Variants in PLCL1 observed in about 807,000 individuals in gnomAD.
PLCL1 encodes the protein phospholipase C like 1 (inactive).
In PLCL1, 41 loss-of-function variants were observed where a neutral mutation model predicts 84.4. The observed-to-expected ratio is 0.49, with a 90% CI of 0.38 to 0.63. The LOEUF is 0.63. PLCL1 is among the 30% of genes least tolerant of loss of function. The pLI, the probability that PLCL1 is intolerant of heterozygous loss-of-function variation, is 0.00. For missense variants in PLCL1, 1,206 were observed against 1,367.8 expected, an observed-to-expected ratio of 0.88 and a Z score of 1.87; for synonymous variants, 490 against 488.3, an observed-to-expected ratio of 1.00 and a Z score of -0.05.
At chr2:197,932,804 T>G (rs1237439777) in intron 1 of PLCL1, among the ~76,000 whole-genome samples, 1 of 152,132 alleles carries the variant, frequency 6.6e-6, no homozygotes. Context: ...AAAGCAGGAT[T>G]GGGAGATGGC....
chr2:198,022,813 A>T (rs1691169218), intron 1 of PLCL1, among the ~76,000 whole-genome samples: 1 of 152,170 alleles, frequency 6.6e-6, no homozygotes, highest in Non-Finnish European at 1.5e-5. Flanking sequence ...AGTGAAAATG[A>T]TCATACTGCC....
intron 5 of PLCL1, among the ~76,000 whole-genome samples, chr2:198,108,780 C>A (rs1048678383): frequency 1.3e-5 from 2 of 151,926 alleles, no homozygotes; most frequent in Non-Finnish European, 2.9e-5. Flanking sequence ...TATTCTAGCA[C>A]CTACGTGGGT....
chr2:197,819,576 T>G (rs2106418211), intron 1 of PLCL1, among the ~76,000 whole-genome samples: 1 of 152,218 alleles, frequency 6.6e-6, no homozygotes, highest in African/African-American at 2.4e-5. Context: ...GAATGGGAGC[T>G]TAGAGACCAT....
At chr2:198,008,501 G>A (rs555495124) in intron 1 of PLCL1, among the ~76,000 whole-genome samples, 2 of 151,152 alleles carry the variant, frequency 1.3e-5, no homozygotes, top group Non-Finnish European at 3.0e-5. Flanking sequence ...TAATGTCCTC[G>A]AGTTTCATTC....
intron 5 of PLCL1, among the ~76,000 whole-genome samples, chr2:198,139,723 G>A (rs1401659485): frequency 6.6e-6 from 1 of 152,114 alleles, no homozygotes. Context: ...TCAGGCCAAA[G>A]TCTGGTATAC....
intron 1 of PLCL1, among the ~76,000 whole-genome samples, chr2:198,062,033 C>G (rs1228867249): frequency 6.6e-6 from 1 of 152,156 alleles, no homozygotes; most frequent in African/African-American, 2.4e-5. Flanking sequence ...TGACGGCTCC[C>G]TTCCTCTTCA....
chr2:197,968,167 T>G (rs1689785985), intron 1 of PLCL1, among the ~76,000 whole-genome samples: 1 of 152,240 alleles, frequency 6.6e-6, no homozygotes, highest in African/African-American at 2.4e-5. Flanking sequence ...TCTGAAATTA[T>G]TTTATGCTTT....
chr2:197,844,322 T>A (rs1439913141), intron 1 of PLCL1, among the ~76,000 whole-genome samples: 3 of 152,062 alleles, frequency 2.0e-5, no homozygotes, highest in Non-Finnish European at 4.4e-5. Flanking sequence ...TCTGACCCCG[T>A]AGGTTAGTTT....
intron 1 of PLCL1, among the ~76,000 whole-genome samples, chr2:197,836,001 A>G (rs923055700): frequency 1.3e-5 from 2 of 152,170 alleles, no homozygotes; most frequent in Non-Finnish European, 2.9e-5. Context: ...TGGAGAGTAG[A>G]AATCACAAGT....
chr2:198,025,290 T>C (rs1691238869), intron 1 of PLCL1, among the ~76,000 whole-genome samples: 1 of 152,104 alleles, frequency 6.6e-6, no homozygotes. Context: ...CATGCATATA[T>C]AAGATAATAA....
chr2:197,908,044 G>A (rs888526851), intron 1 of PLCL1, among the ~76,000 whole-genome samples: 2 of 152,196 alleles, frequency 1.3e-5, no homozygotes, highest in African/African-American at 2.4e-5. Context: ...GACTTGGGAA[G>A]TGATCACATA....
At chr2:198,104,037 T>G (rs1693410476) in intron 5 of PLCL1, 101 bp downstream of exon 5, 1 of 542,078 alleles carries the variant, frequency 1.8e-6, no homozygotes, top group Admixed American at 4.0e-5. Flanking sequence ...TGGTTTGGAT[T>G]TTTAAACCTT....
intron 5 of PLCL1, among the ~76,000 whole-genome samples, chr2:198,107,110 T>TA (rs1693494159): frequency 6.6e-6 from 1 of 151,898 alleles, no homozygotes; most frequent in South Asian, 2.1e-4. Context: ...ACAGGAAACT[T>TA]ACAGTCATGG....
chr2:198,091,583 G>A (rs1045081123), intron 3 of PLCL1, among the ~76,000 whole-genome samples: 9 of 151,962 alleles, frequency 5.9e-5, no homozygotes, highest in Admixed American at 3.9e-4. Flanking sequence ...GGGAGGCTGA[G>A]GCAGGAGAAT....
At chr2:197,810,324 T>C in intron 1 of PLCL1, 1 of 1,204,848 alleles carries the variant, frequency 8.3e-7, no homozygotes, top group Non-Finnish European at 1.1e-6. Flanking sequence ...AAACTTCAGG[T>C]AAAGAGCTTT....
intron 2 of PLCL1, among the ~76,000 whole-genome samples, chr2:198,087,387 C>G (rs765963493): frequency 9.2e-5 from 14 of 152,012 alleles, no homozygotes; most frequent in Non-Finnish European, 1.9e-4. Flanking sequence ...ACTTATTAGG[C>G]TAGTGTTATT....
chr2:198,021,241 C>G (rs548438899), intron 1 of PLCL1, among the ~76,000 whole-genome samples: 1 of 152,248 alleles, frequency 6.6e-6, no homozygotes, highest in Admixed American at 6.5e-5. Context: ...TGGGACACAG[C>G]TAAAGCAGTG....
chr2:198,071,065 T>C (rs1043398287), intron 1 of PLCL1: 2 of 705,834 alleles, frequency 2.8e-6, no homozygotes, highest in Non-Finnish European at 3.5e-6. Flanking sequence ...TATTATACTA[T>C]AAGTACTCTT....
intron 1 of PLCL1, among the ~76,000 whole-genome samples, chr2:197,826,285 C>T (rs902486517): frequency 5.9e-5 from 9 of 152,168 alleles, no homozygotes; most frequent in African/African-American, 1.4e-4. Context: ...CATCTACCTA[C>T]GCTTCATCCT....
Sources: allele counts gnomAD v4.1 joint callset (sites outside exome capture counted in the v4.1 genomes callset), GRCh38; gene constraint gnomAD v4.1.1; transcripts MANE v1.5; gene names NCBI Gene and HGNC (gene_info 2026-07-23, HGNC 2026-07-21).